The following MACROD2 variants were observed in gnomAD, a reference collection of about 807,000 sequenced individuals.
MACROD2 encodes the protein mono-ADP ribosylhydrolase 2, also known as ADP-ribose glycohydrolase MACROD2.
A neutral mutation model predicts 70.4 loss-of-function variants in MACROD2; 36 were observed. The observed-to-expected ratio is 0.51, with a 90% CI of 0.39 to 0.68. The LOEUF (loss-of-function observed/expected upper bound fraction) is 0.68. Among genes scored for constraint, MACROD2 ranks in the 30% least tolerant of loss-of-function variants. The pLI, the probability that MACROD2 is intolerant of heterozygous loss-of-function variation, is 0.00. For missense variants in MACROD2, 496 were observed against 538.4 expected, an observed-to-expected ratio of 0.92 and a Z score of 0.78; for synonymous variants, 172 against 178.8, an observed-to-expected ratio of 0.96 and a Z score of 0.30.
intron 8 of MACROD2, among the ~76,000 whole-genome samples, chr20:15,525,277 C>T (rs917471351): frequency 6.6e-6 from 1 of 150,916 alleles, no homozygotes; most frequent in Admixed American, 6.6e-5. Context: ...CACTAGAATC[C>T]CACTAAGAGC....
At chr20:15,337,249 G>A (rs964100096) in intron 6 of MACROD2, among the ~76,000 whole-genome samples, 1 of 151,698 alleles carries the variant, frequency 6.6e-6, no homozygotes, top group African/African-American at 2.4e-5. Context: ...AGAACAGTTT[G>A]TGTTTTGTTT....
intron 3 of MACROD2, among the ~76,000 whole-genome samples, chr20:14,448,315 G>C (rs2084206331): frequency 6.6e-6 from 1 of 151,998 alleles, no homozygotes; most frequent in Admixed American, 6.6e-5. Context: ...AATGTCCAGA[G>C]ATGTCATGGA....
At chr20:15,224,209 T>A (rs1256734625) in intron 5 of MACROD2, among the ~76,000 whole-genome samples, 1 of 152,080 alleles carries the variant, frequency 6.6e-6, no homozygotes, top group Non-Finnish European at 1.5e-5. Context: ...CCAAAAGAAA[T>A]AATAGGATGG....
chr20:14,198,408 G>C (rs1184917372), intron 3 of MACROD2, among the ~76,000 whole-genome samples: 2 of 152,156 alleles, frequency 1.3e-5, no homozygotes, highest in East Asian at 3.9e-4. Context: ...GATATAAGTT[G>C]ATGTATCAAT....
chr20:14,086,205 T>G (rs1292214692), intron 3 of MACROD2: 1 of 387,598 alleles, frequency 2.6e-6, no homozygotes, highest in African/African-American at 2.1e-5. Flanking sequence ...CCAGTTTTCA[T>G]TTTCATTATG....
intron 5 of MACROD2, among the ~76,000 whole-genome samples, chr20:14,966,459 C>G (rs2074637873): frequency 6.6e-6 from 1 of 152,072 alleles, no homozygotes; most frequent in Admixed American, 6.6e-5. Context: ...GCCTGTAGAC[C>G]CAGCTACTCA....
chr20:14,876,698 C>T (rs2073554875), intron 5 of MACROD2, among the ~76,000 whole-genome samples: 1 of 152,124 alleles, frequency 6.6e-6, no homozygotes, highest in South Asian at 2.1e-4. Context: ...GCCACTTATC[C>T]CAGCACCATT....
intron 3 of MACROD2, among the ~76,000 whole-genome samples, chr20:14,294,014 C>G (rs566659455): frequency 6.6e-6 from 1 of 151,652 alleles, no homozygotes; most frequent in Non-Finnish European, 1.5e-5. Flanking sequence ...AGTCCCAAAT[C>G]GGGACACATC....
chr20:14,644,034 T>C (rs541784131), intron 4 of MACROD2, among the ~76,000 whole-genome samples: 2 of 152,192 alleles, frequency 1.3e-5, no homozygotes, highest in Non-Finnish European at 2.9e-5. Flanking sequence ...GTACTTAGCT[T>C]GCATATAAGT....
chr20:15,080,853 T>A (rs2075697911), intron 5 of MACROD2, among the ~76,000 whole-genome samples: 1 of 152,168 alleles, frequency 6.6e-6, no homozygotes. Flanking sequence ...AGCTTTATGC[T>A]TTACTTTTCT....
intron 15 of MACROD2, among the ~76,000 whole-genome samples, chr20:16,020,412 C>T (rs1490635856): frequency 6.6e-6 from 1 of 151,914 alleles, no homozygotes; most frequent in African/African-American, 2.4e-5. Context: ...CTCCCCTCCA[C>T]CCAAGACAGG....
Position 14,646,853 on chromosome 20 carries a change from TC to T in MACROD2, c.302-37988del, listed in dbSNP as rs1985419818. On this transcript the variant is annotated intron_variant, in intron 4 of 17. Transcript: ENST00000684519. ...ATTGTATTTCTTTACCATGTCGACT[TC>T]CTGTCTCTTAAAACGCAGCAATTAC... Among the ~76,000 whole-genome samples, 3 of 152,224 alleles carry T rather than the reference TC, an allele frequency of 2.0e-5. No individual in the cohort carries two copies. In the South Asian group the frequency reaches 6.2e-4, roughly 32 times the overall value.
At chr20:15,502,572 T>A (rs1452168090) in intron 8 of MACROD2, among the ~76,000 whole-genome samples, 1 of 152,166 alleles carries the variant, frequency 6.6e-6, no homozygotes, top group East Asian at 1.9e-4. Flanking sequence ...GGATATCTTA[T>A]ATTTATAAGA....
chr20:14,668,586 T>C (rs2070761464), intron 4 of MACROD2, among the ~76,000 whole-genome samples: 1 of 152,156 alleles, frequency 6.6e-6, no homozygotes, highest in East Asian at 1.9e-4. Flanking sequence ...AAAGAAATAG[T>C]TCTATAATTA....
intron 5 of MACROD2, among the ~76,000 whole-genome samples, chr20:15,020,747 AACGAT>A (rs2075160032): frequency 1.3e-5 from 2 of 152,028 alleles, no homozygotes; most frequent in South Asian, 4.1e-4. Flanking sequence ...ACACAATGTT[AACGAT>A]TTGTGTATCT....
intron 5 of MACROD2, among the ~76,000 whole-genome samples, chr20:15,054,029 TG>T (rs1483159688): frequency 6.6e-6 from 1 of 152,204 alleles, no homozygotes; most frequent in Non-Finnish European, 1.5e-5. Flanking sequence ...AGCCTAAAGA[TG>T]TGACTGAATT....
intron 6 of MACROD2, among the ~76,000 whole-genome samples, chr20:15,401,439 G>T (rs957689878): frequency 1.4e-4 from 22 of 152,162 alleles, no homozygotes; most frequent in Non-Finnish European, 5.9e-5. Context: ...TTGGCAACAT[G>T]ACCTCCAAGG....
intron 5 of MACROD2, among the ~76,000 whole-genome samples, chr20:14,988,135 G>A (rs1028051186): frequency 1.5e-4 from 23 of 151,930 alleles, no homozygotes; most frequent in African/African-American, 2.9e-4. Context: ...AGGTCGAGGC[G>A]GGCAGATCAC....
rs180820385 is a variant in MACROD2, at chr20:15,283,062, T to C, written c.540+53001T>C. Reference sequence around the variant, plus strand: ...GAAATGCCAGACACTTATAAAATAATCAGATCTCATGAGAACTCACTCACT... The same window carrying C: ...GAAATGCCAGACACTTATAAAATAACCAGATCTCATGAGAACTCACTCACT... On this transcript the variant is annotated intron_variant, in intron 6 of 17. Transcript: ENST00000684519. 2.7e-3 allele frequency among the ~76,000 whole-genome samples: 408 copies of C among 152,170 alleles called. 2 individuals carry two copies. Among genetic ancestry groups the C allele is most frequent in the Non-Finnish European group, 4.0e-3 (274 of 68,010 alleles).
Sources: gnomAD v4.1 joint callset for allele counts (sites outside exome capture counted in the v4.1 genomes callset) on GRCh38, gnomAD v4.1.1 for gene constraint, MANE v1.5 for transcripts, NCBI Gene and HGNC (gene_info 2026-07-23, HGNC 2026-07-21) for gene names.